GFRA2: variants seen among roughly 807,000 people sequenced by gnomAD.
The protein encoded by GFRA2 is GDNF family receptor alpha 2.
Under a neutral mutation model 48.3 loss-of-function variants are expected in GFRA2, and 17 were observed. That is an observed-to-expected ratio of 0.35 (90% confidence interval 0.24 to 0.53). The LOEUF is 0.53. GFRA2 is among the 20% of genes least tolerant of loss of function. The pLI is 0.93. For missense variants in GFRA2, 660 were observed against 637.3 expected (o/e 1.04, Z -0.38); for synonymous variants, 305 against 257.2 (o/e 1.19, Z -1.78).
At chr8:21,738,805 C>T (rs920728027) in intron 4 of GFRA2, among the ~76,000 whole-genome samples, 20 of 152,206 alleles carry the variant, frequency 1.3e-4, no homozygotes, top group African/African-American at 4.8e-4. Context: ...ACAGCCAGGG[C>T]AAGCCTGTGG....
chr8:21,765,525 A>G (rs1339909538), intron 3 of GFRA2, among the ~76,000 whole-genome samples: 2 of 151,298 alleles, frequency 1.3e-5, no homozygotes, highest in Non-Finnish European at 2.9e-5. Context: ...TTCCTCCTCT[A>G]CTTGGTGAGA....
At chr8:21,804,200 G>GCA (rs146613602) in intron 2 of GFRA2, among the ~76,000 whole-genome samples, 3,114 of 145,066 alleles carry the variant, frequency 0.021, 45 homozygotes, top group African/African-American at 0.041. Flanking sequence ...ATACATACAT[G>GCA]CACACACACA....
intron 4 of GFRA2, among the ~76,000 whole-genome samples, chr8:21,716,445 C>T (rs778967022): frequency 3.8e-4 from 58 of 152,096 alleles, no homozygotes; most frequent in Non-Finnish European, 1.2e-4. Context: ...AAACAAAACC[C>T]ACAAAGGATC....
intron 1 of GFRA2, among the ~76,000 whole-genome samples, chr8:21,811,337 C>T (rs569528399): frequency 4.5e-4 from 69 of 152,312 alleles, no homozygotes; most frequent in African/African-American, 1.6e-3. Context: ...GGACTCTAAC[C>T]CCTGCTAAGT....
chr8:21,736,959 G>A (rs912978812), intron 4 of GFRA2, among the ~76,000 whole-genome samples: 1 of 151,040 alleles, frequency 6.6e-6, no homozygotes, highest in African/African-American at 2.4e-5. Flanking sequence ...AGGCCTCCAA[G>A]AGCACATCAT....
intron 3 of GFRA2, among the ~76,000 whole-genome samples, chr8:21,763,461 C>T (rs1012862519): frequency 1.3e-5 from 2 of 152,090 alleles, no homozygotes; most frequent in Non-Finnish European, 2.9e-5. Flanking sequence ...TCACCATCTC[C>T]GGTTCATCCC....
intron 4 of GFRA2, among the ~76,000 whole-genome samples, chr8:21,728,368 G>A (rs565029610): frequency 2.4e-4 from 33 of 134,904 alleles, no homozygotes; most frequent in Non-Finnish European, 2.9e-4. Context: ...TCTGCCTCCC[G>A]GGTTCAAGCA....
intron 4 of GFRA2, among the ~76,000 whole-genome samples, chr8:21,710,473 G>A (rs1021008373): frequency 1.3e-5 from 2 of 152,182 alleles, no homozygotes; most frequent in Non-Finnish European, 2.9e-5. Flanking sequence ...AGGAGACGGG[G>A]CTCCCTCTCG....
chr8:21,765,949 C>A (rs1806130355), intron 3 of GFRA2, among the ~76,000 whole-genome samples: 1 of 152,174 alleles, frequency 6.6e-6, no homozygotes, highest in Admixed American at 6.5e-5. Flanking sequence ...CTGCAGCAAC[C>A]TCCTAACTGA....
intron 3 of GFRA2, among the ~76,000 whole-genome samples, chr8:21,759,543 A>AAGGAAGGGG (rs879376871): frequency 6.8e-6 from 1 of 147,284 alleles, no homozygotes; most frequent in African/African-American, 2.5e-5. Flanking sequence ...GGAAGGAAGG[A>AAGGAAGGGG]GGGAAGGAAG....
At chr8:21,694,401 G>C (rs370626111) in intron 8 of GFRA2, 63 bp downstream of exon 8, 9 of 1,487,340 alleles carry the variant, frequency 6.1e-6, no homozygotes. Context: ...AGGCTCGCCG[G>C]GGAAATGCCG....
rs569369541 is a variant in GFRA2 at position 21,711,760 on chromosome 8, T to C, written c.795-5719A>G. On this transcript the variant is annotated intron_variant, in intron 4 of 8. Coordinates refer to ENST00000524240, the MANE Select transcript of GFRA2 (RefSeq NM_001495.5). Reference sequence around the variant, plus strand: ...ATTTGGCAGGGTCATAAGACAATAGTGGAGGAAAGGTCAGCAGATAAACAA... The same window carrying C: ...ATTTGGCAGGGTCATAAGACAATAGCGGAGGAAAGGTCAGCAGATAAACAA... 4.9e-4 allele frequency among the ~76,000 whole-genome samples: 74 copies of C among 150,380 alleles called. 1 individual carries two copies. The highest frequency in any genetic ancestry group is 1.7e-3 in the African/African-American group (70 of 40,650).
intron 4 of GFRA2, among the ~76,000 whole-genome samples, chr8:21,745,242 C>T (rs1804948346): frequency 6.6e-6 from 1 of 152,206 alleles, no homozygotes; most frequent in Non-Finnish European, 1.5e-5. Flanking sequence ...GAAGAGCTTC[C>T]CCCAAGAATC....
chr8:21,691,986 G>A lies in GFRA2; in HGVS notation c.*1292C>T, dbSNP rs918881941. On this transcript the variant is annotated 3_prime_UTR_variant, in exon 9 of 9. Coordinates refer to ENST00000524240, the MANE Select transcript of GFRA2 (RefSeq NM_001495.5). ...ACACTGGACCAAGAACAAAATGGGGGCAAAACCCCACGGGACCGAGGCAGA... is the reference window on the plus strand; with the variant it reads ...ACACTGGACCAAGAACAAAATGGGGACAAAACCCCACGGGACCGAGGCAGA... The A allele has an allele frequency of 1.3e-5, 2 of 152,628 alleles. No individual in the cohort carries two copies. 9.5% of individuals were successfully genotyped at this position (152,628 alleles called of 1,614,324 possible).
At chr8:21,740,391 T>C (rs1231128884) in intron 4 of GFRA2, among the ~76,000 whole-genome samples, 3 of 152,142 alleles carry the variant, frequency 2.0e-5, no homozygotes, top group African/African-American at 4.8e-5. Context: ...CCCGATCAGG[T>C]TTCCGTAATC....
In GFRA2 at chr8:21,741,278, C is replaced by T. The variant is rs567915216; in HGVS notation, c.794+9310G>A. Among the ~76,000 whole-genome samples, 12 of 152,286 alleles carry T rather than the reference C, an allele frequency of 7.9e-5. No homozygotes were observed. In the East Asian group the frequency reaches 2.3e-3, roughly 29 times the overall value. ...CCCAGCCACACCTTTCCCCCCTTTC[C>T]CTCCTGCAAACTTCTGCACATGCTA... On this transcript the variant is annotated intron_variant, in intron 4 of 8. Coordinates refer to ENST00000524240, the MANE Select transcript of GFRA2 (RefSeq NM_001495.5).
intron 4 of GFRA2, among the ~76,000 whole-genome samples, chr8:21,748,851 A>G (rs1417142615): frequency 6.6e-6 from 1 of 152,014 alleles, no homozygotes; most frequent in Non-Finnish European, 1.5e-5. Flanking sequence ...CCCACTCTAC[A>G]TGTGCCCAAC....
chr8:21,727,060 T>C (rs979592734), intron 4 of GFRA2, among the ~76,000 whole-genome samples: 1 of 152,194 alleles, frequency 6.6e-6, no homozygotes, highest in African/African-American at 2.4e-5. Context: ...CTAAATTCCC[T>C]ATTTTCAAAC....
intron 2 of GFRA2, among the ~76,000 whole-genome samples, chr8:21,794,923 A>C (rs1055009207): frequency 2.0e-5 from 3 of 152,222 alleles, no homozygotes; most frequent in Non-Finnish European, 2.9e-5. Flanking sequence ...TGCATACTGC[A>C]CTCAGGGCCA....
Sources: gnomAD v4.1 joint callset for allele counts (sites outside exome capture counted in the v4.1 genomes callset) on GRCh38, gnomAD v4.1.1 for gene constraint, MANE v1.5 for transcripts, NCBI Gene and HGNC (gene_info 2026-07-23, HGNC 2026-07-21) for gene names.